Variants in HK3 observed in about 807,000 individuals in gnomAD.
HK3 encodes the protein hexokinase 3.
Under a neutral mutation model 91.0 loss-of-function variants are expected in HK3, and 93 were observed. That is an observed-to-expected ratio of 1.02 (90% confidence interval 0.86 to 1.21). HK3 has a LOEUF of 1.21. Among genes scored for constraint, HK3 ranks in the 50% most tolerant of loss-of-function variants. HK3 has a pLI of 0.00. For synonymous variants in HK3, 519 were observed against 516.9 expected, an observed-to-expected ratio of 1.00 and a Z score of -0.06; for missense variants, 1,235 against 1,247.4, an observed-to-expected ratio of 0.99 and a Z score of 0.15.
Position 176,887,169 on chromosome 5 carries a change from A to G in HK3, c.1737+32T>C, listed in dbSNP as rs752330754. 1.2e-5 allele frequency: 19 copies of G among 1,613,588 alleles called. No individual in the cohort carries two copies. Among genetic ancestry groups the G allele is most frequent in the Non-Finnish European group, 1.6e-5 (19 of 1,179,892 alleles). On this transcript the variant is annotated intron_variant, in intron 12 of 18. Coordinates refer to ENST00000292432, the MANE Select transcript of HK3 (RefSeq NM_002115.3). This position sits in a 1 kb window ranked among gnomAD's most constrained non-coding sequence, Gnocchi z 4.9. Reference sequence around the variant, plus strand: ...CGTAGGCACTGCTCAGCCCTTCCCCACCTCTGACATCAAGGTTCAGGCTGT... The same window carrying G: ...CGTAGGCACTGCTCAGCCCTTCCCCGCCTCTGACATCAAGGTTCAGGCTGT...
At chr5:176,890,766 C>G (rs761698988) in intron 5 of HK3, 36 bp from the exon 6 acceptor site, 12 of 1,614,096 alleles carry the variant, frequency 7.4e-6, no homozygotes, top group Non-Finnish European at 1.0e-5. Flanking sequence ...CCTCTGACGG[C>G]CTTCATGGGG....
chr5:176,882,215 CG>C, intron 15 of HK3, 88 bp from the exon 16 acceptor site: 1 of 1,359,012 alleles, frequency 7.4e-7, no homozygotes. Flanking sequence ...GGCAACGATT[CG>C]GGCTCACTCT....
Position 176,889,731 on chromosome 5 carries a change from T to A in HK3, c.644A>T (p.Asp215Val), listed in dbSNP as rs1244110194. Residue 215 changes from aspartate (D) to valine (V), a missense_variant, in exon 7 of 19, where the codon GAC becomes GTC. Physicochemically the swap from Asp to Val is radical, Grantham distance 152. Around this residue, in one of 3 missense-constraint regions of HK3, gnomAD observed 717 missense variants for 751.6 expected, o/e 0.95. Coordinates refer to ENST00000292432, the MANE Select transcript of HK3 (RefSeq NM_002115.3). ...TGTGTCGTTCACCACAGCAACCACG[T>A]CGATGTTGTAGGCCTAGATGATGAA... is the stretch of plus-strand genomic sequence containing the variant. ...AIRRQGAYNIDVVAVVNDTVG... is the reference protein window; with the variant it reads ...AIRRQGAYNIVVVAVVNDTVG... 2.5e-6 allele frequency: 4 copies of A among 1,613,648 alleles called. No homozygotes were observed. In the African/African-American group the frequency reaches 5.3e-5, roughly 22 times the overall value.
At chr5:176,892,757 C>T (rs1218406035) in intron 2 of HK3, among the ~76,000 whole-genome samples, 7 of 152,188 alleles carry the variant, frequency 4.6e-5, no homozygotes, top group Non-Finnish European at 1.0e-4. Context: ...AATAAGGCCG[C>T]TCCAGGGAGG....
In HK3 at chr5:176,881,806, A is replaced by G. The variant is rs1235114576; in HGVS notation, c.2279T>C (p.Val760Ala). The G allele has an allele frequency of 1.9e-6, 3 of 1,614,080 alleles. No individual in the cohort carries two copies. Among genetic ancestry groups the G allele is most frequent in the East Asian group, 2.2e-5 (1 of 44,874 alleles). The change falls in exon 17 of 19, where the codon GTC (valine) becomes GCC (alanine). Residue 760 changes from valine (V) to alanine (A), a missense_variant. Around this residue, in one of 3 missense-constraint regions of HK3, gnomAD observed 513 missense variants for 477.4 expected, o/e 1.07. Transcript: ENST00000292432. ...GGTTAAATGTAAAAGGATGTGGCGGACGATCTCCCCCAGGTACATGCCGCT... is the reference window on the plus strand; with the variant it reads ...GGTTAAATGTAAAAGGATGTGGCGGGCGATCTCCCCCAGGTACATGCCGCT... ...MISGMYLGEIVRHILLHLTSL... is the reference protein window; with the variant it reads ...MISGMYLGEIARHILLHLTSL...
chr5:176,889,292 G>A, intron 8 of HK3, 89 bp downstream of exon 8: 2 of 1,412,696 alleles, frequency 1.4e-6, no homozygotes, highest in Non-Finnish European at 1.9e-6. Flanking sequence ...AGGGGCCTAA[G>A]GGCCTGAGAA....
chr5:176,887,028 G>T lies in HK3; in HGVS notation c.1831C>A (p.Pro611Thr), dbSNP rs765742449. The change falls in exon 13 of 19, where the codon CCA (proline) becomes ACA (threonine). Residue 611 changes from proline (P) to threonine (T), a missense_variant. Pro to Thr is a conservative substitution (Grantham distance 38). Coordinates refer to ENST00000292432, the MANE Select transcript of HK3 (RefSeq NM_002115.3). The surrounding 1 kb of genome is among the most constrained non-coding windows in gnomAD (Gnocchi z 4.9). Reference protein sequence around the residue: ...SLPLGFTFSFPCRQLGLDQGI... With the variant: ...SLPLGFTFSFTCRQLGLDQGI... The stretch of plus-strand genomic sequence containing the variant: ...TGGTCTAGGCCAAGCTGCCTACATG[G>T]GAAGGAGAAGGTAAAACCCAGTGGG... The T allele has an allele frequency of 1.1e-5, 17 of 1,614,036 alleles. No homozygotes were observed. Among genetic ancestry groups the T allele is most frequent in the Non-Finnish European group, 1.4e-5 (16 of 1,180,030 alleles).
In HK3 at chr5:176,887,376, G is replaced by T; in HGVS notation, c.1601-39C>A. ...GACCCTCAGTGCCGGGATAGGGCTTGTGGCTCCAGCCCCAGCACACACTGG... is the reference window on the plus strand; with the variant it reads ...GACCCTCAGTGCCGGGATAGGGCTTTTGGCTCCAGCCCCAGCACACACTGG... On this transcript the variant is annotated intron_variant, in intron 11 of 18. Coordinates refer to ENST00000292432, the MANE Select transcript of HK3 (RefSeq NM_002115.3). This position sits in a 1 kb window ranked among gnomAD's most constrained non-coding sequence, Gnocchi z 4.9. 1 of 1,613,554 alleles carries T rather than the reference G, an allele frequency of 6.2e-7. No individual in the cohort carries two copies. Among genetic ancestry groups the T allele is most frequent in the Non-Finnish European group, 8.5e-7 (1 of 1,180,010 alleles).
rs995593737 is a variant in HK3 at position 176,883,956 on chromosome 5, G to A, written c.1953+83C>T. 4 of 1,579,940 alleles carry A rather than the reference G, an allele frequency of 2.5e-6. No individual in the cohort carries two copies. The East Asian group carries it at 6.7e-5, about 26-fold the overall frequency. On this transcript the variant is annotated intron_variant, in intron 14 of 18. Transcript: ENST00000292432. ...GACCCAGAGGTCTCTACCGCAGAGG[G>A]CTCCCCCCTCAGAAAGTAGGAGACT...
chr5:176,883,451 G>C (rs1758496611), intron 15 of HK3, among the ~76,000 whole-genome samples: 1 of 152,150 alleles, frequency 6.6e-6, no homozygotes, highest in South Asian at 2.1e-4. Flanking sequence ...TGAGGCTCTG[G>C]TGACTTGCCC....
intron 1 of HK3, among the ~76,000 whole-genome samples, chr5:176,897,367 G>A (rs1447527274): frequency 6.6e-6 from 1 of 152,120 alleles, no homozygotes; most frequent in African/African-American, 2.4e-5. Context: ...TAGGGGTGGG[G>A]GAAAAGGGAA....
Position 176,881,706 on chromosome 5 carries a change from G to A in HK3, c.2379C>T (p.Leu793=), listed in dbSNP as rs200476025. Residue 793 remains leucine, a synonymous_variant, in exon 17 of 19, where the codon CTC becomes CTT. Coordinates refer to ENST00000292432, the MANE Select transcript of HK3 (RefSeq NM_002115.3). ...GCCTCAGGCACCTTTCGATCTCAGA[G>A]AGGAACTTGGTCTTGAAGATGTCCC... The part of the protein sequence containing the change: ...QTRDIFKTKF[L]SEIESDSLAL... 1 of 1,614,136 alleles carries A rather than the reference G, an allele frequency of 6.2e-7. No individual in the cohort carries two copies. Among genetic ancestry groups the A allele is most frequent in the Admixed American group, 1.7e-5 (1 of 60,026 alleles).
In HK3 at chr5:176,891,092, G is replaced by A. The variant is rs766901550; in HGVS notation, c.359C>T (p.Pro120Leu). 3.1e-6 allele frequency: 5 copies of A among 1,614,062 alleles called. No homozygotes were observed. In the East Asian group the frequency reaches 6.7e-5, roughly 22 times the overall value. ...LTGIEGHRVE[P>L]RSQEFVIPQE... The stretch of plus-strand genomic sequence containing the variant: ...GGGGATCACAAACTCCTGGCTTCTG[G>A]GCTCCACCCTATGCCCCTCAATGCC... Residue 120 changes from proline (P) to leucine (L), a missense_variant, in exon 4 of 19, where the codon CCC becomes CTC. Physicochemically the swap from Pro to Leu is moderately conservative, Grantham distance 98. Around this residue, in one of 3 missense-constraint regions of HK3, gnomAD observed 717 missense variants for 751.6 expected, o/e 0.95. Coordinates refer to ENST00000292432, the MANE Select transcript of HK3 (RefSeq NM_002115.3).
chr5:176,882,486 G>C (rs691276), intron 15 of HK3, among the ~76,000 whole-genome samples: 3,041 of 152,306 alleles, frequency 0.02, 30 homozygotes, highest in African/African-American at 0.033. Flanking sequence ...TCCCTGGACC[G>C]GCCTGCCAGG....
intron 17 of HK3, 66 bp downstream of exon 17, chr5:176,881,626 C>G (rs1758431750): frequency 1.3e-6 from 2 of 1,599,148 alleles, no homozygotes; most frequent in Non-Finnish European, 1.7e-6. Flanking sequence ...CACCCATGGC[C>G]AGCAATCCCC....
rs754415631 is a variant in HK3, at chr5:176,896,156, C to T, written c.4G>A (p.Asp2Asn). 1.9e-6 allele frequency: 3 copies of T among 1,600,302 alleles called. No individual in the cohort carries two copies. In the Admixed American group the frequency reaches 5.3e-5, roughly 28 times the overall value. Residue 2 changes from aspartate to asparagine, a missense_variant, in exon 2 of 19, where the codon GAC (aspartate) becomes AAC (asparagine). By Grantham distance (23) the Asp-to-Asn change is conservative. Around this residue, in one of 3 missense-constraint regions of HK3, gnomAD observed 717 missense variants for 751.6 expected, o/e 0.95. Coordinates refer to ENST00000292432, the MANE Select transcript of HK3 (RefSeq NM_002115.3). M[D>N]SIGSSGLRQG... Reference sequence around the variant, plus strand: ...CGCAACCCTGAAGACCCAATGGAGTCCATGAGCTTCCACAGTGGAAGGTGG... The same window carrying T: ...CGCAACCCTGAAGACCCAATGGAGTTCATGAGCTTCCACAGTGGAAGGTGG...
chr5:176,887,144 C>G lies in HK3; in HGVS notation c.1738-23G>C. On this transcript the variant is annotated intron_variant, in intron 12 of 18. Transcript: ENST00000292432. The surrounding 1 kb of genome is among the most constrained non-coding windows in gnomAD (Gnocchi z 4.9). Reference sequence around the variant, plus strand: ...GAGCTGTGGGGCAGGACAGGTCAGGCGTAGGCACTGCTCAGCCCTTCCCCA... The same window carrying G: ...GAGCTGTGGGGCAGGACAGGTCAGGGGTAGGCACTGCTCAGCCCTTCCCCA... 1 of 1,614,180 alleles carries G rather than the reference C, an allele frequency of 6.2e-7. No homozygotes were observed. Among genetic ancestry groups the G allele is most frequent in the East Asian group, 2.2e-5 (1 of 44,874 alleles).
chr5:176,887,687 A>C lies in HK3; in HGVS notation c.1364T>G (p.Leu455Ter), dbSNP rs201133571. Residue 455 changes from leucine to a stop codon, truncating the protein, a stop_gained, in exon 11 of 19, where the codon TTA becomes TGA. Transcript: ENST00000292432. LOFTEE classifies it high-confidence loss of function. The surrounding 1 kb of genome is among the most constrained non-coding windows in gnomAD (Gnocchi z 4.9). Reference protein sequence around the residue: ...MLLAPECDVSLIPSVDGGGRG... With the variant: ...MLLAPECDVS The stretch of plus-strand genomic sequence containing the variant: ...GCCACCACCATCCACAGAGGGGATT[A>C]AGGAGACATCGCATTCCGGGGCCAG... 165 of 1,613,474 alleles carry C rather than the reference A, an allele frequency of 1.0e-4. No homozygotes were observed. Among genetic ancestry groups the C allele is most frequent in the Non-Finnish European group, 1.3e-4 (155 of 1,179,696 alleles).
At position 176,887,577 on chromosome 5, in the gene HK3, A is replaced by T. The variant is rs374282256; in HGVS notation, c.1474T>A (p.Leu492Met). The change falls in exon 11 of 19, where the codon TTG becomes ATG. Residue 492 changes from leucine to methionine, a missense_variant. Leu to Met is a conservative substitution (Grantham distance 15). Around this residue, in one of 3 missense-constraint regions of HK3, gnomAD observed 717 missense variants for 751.6 expected, o/e 0.95. Transcript: ENST00000292432. This position sits in a 1 kb window ranked among gnomAD's most constrained non-coding sequence, Gnocchi z 4.9. ...LLEETLAPFR[L>M]NHDQLAAVQA... ...ACCGCAGCCAGTTGATCATGGTTCA[A>T]CCGGAATGGGGCCAGGGTCTCCTCC... 2 of 1,613,848 alleles carry T rather than the reference A, an allele frequency of 1.2e-6. No individual in the cohort carries two copies. Among genetic ancestry groups the T allele is most frequent in the East Asian group, 4.5e-5 (2 of 44,868 alleles).
Sources: gnomAD v4.1 joint callset for allele counts (sites outside exome capture counted in the v4.1 genomes callset) on GRCh38, gnomAD v4.1.1 for gene constraint, gnomAD v4.1.1 regional missense constraint, Gnocchi (gnomAD v3.1) non-coding constraint, MANE v1.5 for transcripts, NCBI Gene and HGNC (gene_info 2026-07-23, HGNC 2026-07-21) for gene names.